Variants in AKT3 observed in about 807,000 individuals in gnomAD.
AKT3 encodes AKT serine/threonine kinase 3.
In AKT3, 15 loss-of-function variants were observed where a neutral mutation model predicts 65.3. That is an observed-to-expected ratio of 0.23 (90% CI 0.15 to 0.35). The LOEUF (loss-of-function observed/expected upper bound fraction) is 0.35, where lower values mean the gene tolerates loss of function less well. Among genes scored for constraint, AKT3 ranks in the 10% least tolerant of loss-of-function variants. The probability of loss-of-function intolerance (pLI) is 1.00; values close to 1 mark genes in which losing one functional copy is unlikely to be tolerated. For synonymous variants in AKT3, 206 were observed against 183.8 expected (o/e 1.12, Z -0.98); for missense variants, 243 against 576.5 (o/e 0.42, Z 5.92).
intron 8 of AKT3, among the ~76,000 whole-genome samples, chr1:243,575,403 T>C (rs941341595): frequency 6.6e-6 from 1 of 152,176 alleles, no homozygotes; most frequent in African/African-American, 2.4e-5. Context: ...TCTCTTATGA[T>C]TCCAAGCATT....
At chr1:243,816,818 T>C (rs1355177780) in intron 2 of AKT3, among the ~76,000 whole-genome samples, 6 of 152,162 alleles carry the variant, frequency 3.9e-5, no homozygotes. Flanking sequence ...AGGCTACAAA[T>C]GTCTAATCAA....
At chr1:243,541,572 C>T (rs1040570233) in intron 12 of AKT3, among the ~76,000 whole-genome samples, 1 of 152,038 alleles carries the variant, frequency 6.6e-6, no homozygotes, top group African/African-American at 2.4e-5. Flanking sequence ...TAGTTAGAAA[C>T]CCAGATCTGG....
At chr1:243,578,480 C>A (rs1362672850) in intron 8 of AKT3, among the ~76,000 whole-genome samples, 1 of 152,066 alleles carries the variant, frequency 6.6e-6, no homozygotes, top group African/African-American at 2.4e-5. Context: ...GGGAGCTGAA[C>A]AATGAGAATA....
rs563086523 is a variant in AKT3 at position 243,819,703 on chromosome 1, C to G, written c.46+23422G>C. Among the ~76,000 whole-genome samples the G allele has an allele frequency of 1.1e-3, 172 of 152,290 alleles. 2 individuals are homozygous for G. The highest frequency in any genetic ancestry group is 3.8e-3 in the African/African-American group (156 of 41,568). ...TGCCTCCTGACTGAGAGAGACCCCC[C>G]CAACAGGGGTCGCCAGACACCTTAT... On this transcript the variant is annotated intron_variant, in intron 2 of 13. Coordinates refer to ENST00000673466, the MANE Select transcript of AKT3 (RefSeq NM_005465.7).
chr1:243,624,550 A>T (rs1274832785), intron 6 of AKT3: 1 of 152,782 alleles, frequency 6.5e-6, no homozygotes, highest in Non-Finnish European at 1.5e-5. Context: ...TTCCACCTCC[A>T]CACCAAGAAT....
chr1:243,598,968 A>G (rs903458762), intron 8 of AKT3, among the ~76,000 whole-genome samples: 1 of 152,166 alleles, frequency 6.6e-6, no homozygotes, highest in Non-Finnish European at 1.5e-5. Context: ...TTTAGTTCAA[A>G]TGCACCTTTC....
rs1241431182 is a variant in AKT3 at position 243,503,708 on chromosome 1, G to A, written c.*1541C>T. ...ATATACAGAAAAAGAAAAGCTGGAG[G>A]TGTTCTCTTTTTTTGTTGTTTTTTC... On this transcript the variant is annotated 3_prime_UTR_variant, in exon 14 of 14. Coordinates refer to ENST00000673466, the MANE Select transcript of AKT3 (RefSeq NM_005465.7). The A allele has an allele frequency of 4.3e-6, 1 of 232,304 alleles. No homozygotes were observed. Among genetic ancestry groups the A allele is most frequent in the Middle Eastern group, 1.3e-3 (1 of 784 alleles). The allele number at this position is 232,304 out of a possible 1,614,324, so 14.4% of individuals were successfully genotyped here. A position where few individuals can be genotyped will look rare whatever the true frequency, so the allele number is the denominator to read the frequency against.
intron 2 of AKT3, among the ~76,000 whole-genome samples, chr1:243,772,487 A>G (rs1284695131): frequency 6.6e-6 from 1 of 152,264 alleles, no homozygotes; most frequent in Non-Finnish European, 1.5e-5. Context: ...CCACAATGAG[A>G]TATCATCTCA....
chr1:243,544,691 G>GT (rs1319446167), intron 12 of AKT3, among the ~76,000 whole-genome samples: 6 of 65,698 alleles, frequency 9.1e-5, no homozygotes, highest in Admixed American at 2.2e-4. Flanking sequence ...ATTAGTAGTG[G>GT]TTTTTTGTTT....
chr1:243,614,119 G>A (rs1396060732), intron 7 of AKT3, among the ~76,000 whole-genome samples: 3 of 152,052 alleles, frequency 2.0e-5, no homozygotes, highest in East Asian at 1.9e-4. Context: ...ATGTAGCTAC[G>A]GTTGTTACAC....
Position 243,500,769 on chromosome 1 carries a change from T to C in AKT3, c.*4480A>G, listed in dbSNP as rs1574489145. On this transcript the variant is annotated 3_prime_UTR_variant, in exon 14 of 14. Coordinates refer to ENST00000673466, the MANE Select transcript of AKT3 (RefSeq NM_005465.7). ...CTCAGAAGTGATGTGGATTAGGCTT[T>C]GGAGGCGGTGGCATGATCTACACAC... 4.4e-6 allele frequency: 1 copy of C among 227,098 alleles called. No homozygotes were observed. The highest frequency in any genetic ancestry group is 8.7e-6 in the Non-Finnish European group (1 of 114,954). The allele number at this position is 227,098 out of a possible 1,614,324, so 14.1% of individuals were successfully genotyped here.
At chr1:243,824,329 C>A (rs1054858167) in intron 2 of AKT3, among the ~76,000 whole-genome samples, 1 of 152,102 alleles carries the variant, frequency 6.6e-6, no homozygotes, top group Non-Finnish European at 1.5e-5. Flanking sequence ...CTAGGCAATT[C>A]CATTCAGGAC....
chr1:243,647,317 C>A (rs1217858527), intron 4 of AKT3, among the ~76,000 whole-genome samples: 1 of 152,144 alleles, frequency 6.6e-6, no homozygotes, highest in South Asian at 2.1e-4. Context: ...TAAATACTTA[C>A]CATTGCATTA....
intron 8 of AKT3, among the ~76,000 whole-genome samples, chr1:243,581,353 G>A (rs1675332844): frequency 6.6e-6 from 1 of 152,146 alleles, no homozygotes; most frequent in African/African-American, 2.4e-5. Context: ...AAGTATCAAG[G>A]TATACACTAA....
chr1:243,669,027 C>T (rs1022273295), intron 3 of AKT3, among the ~76,000 whole-genome samples: 16 of 148,912 alleles, frequency 1.1e-4, no homozygotes, highest in African/African-American at 3.9e-4. Flanking sequence ...ATTTGAAAGA[C>T]TTAAGTTTTA....
chr1:243,578,548 G>C (rs1388977752), intron 8 of AKT3, among the ~76,000 whole-genome samples: 1 of 152,128 alleles, frequency 6.6e-6, no homozygotes, highest in African/African-American at 2.4e-5. Flanking sequence ...AGCCAAGGGA[G>C]GGAGATCATC....
At chr1:243,498,838 A>G (rs1668737878), downstream of AKT3, among the ~76,000 whole-genome samples, 1 of 152,204 alleles carries the variant, frequency 6.6e-6, no homozygotes, top group African/African-American at 2.4e-5. Flanking sequence ...GTTCCTAACT[A>G]AAGAAAGAGG....
intron 1 of AKT3, among the ~76,000 whole-genome samples, chr1:243,845,588 C>CAAA (rs10648820): frequency 1.3e-4 from 10 of 79,368 alleles, no homozygotes; most frequent in Middle Eastern, 6.5e-3. Flanking sequence ...GAACCTGTCT[C>CAAA]AAAAAAAAAA....
At chr1:243,637,542 T>C in intron 6 of AKT3, 69 bp downstream of exon 6, 1 of 1,361,926 alleles carries the variant, frequency 7.3e-7, no homozygotes, top group South Asian at 1.6e-5. Flanking sequence ...AGCATGTAAA[T>C]TCATGAGCCC....
Sources: allele counts gnomAD v4.1 joint callset (sites outside exome capture counted in the v4.1 genomes callset), GRCh38; gene constraint gnomAD v4.1.1; transcripts MANE v1.5; gene names NCBI Gene and HGNC (gene_info 2026-07-23, HGNC 2026-07-21).